The following HPSE2 variants were observed in gnomAD, a reference collection of about 807,000 sequenced individuals.
The protein encoded by HPSE2 is heparanase 2 (inactive), also known as inactive heparanase-2.
In HPSE2, 38 loss-of-function variants were observed where a neutral mutation model predicts 60.5. The observed-to-expected ratio is 0.63, with a 90% CI of 0.48 to 0.82. The LOEUF is 0.82. Ranked by LOEUF, HPSE2 falls within the 40% of genes least tolerant of loss-of-function variation. The pLI, the probability that HPSE2 is intolerant of heterozygous loss-of-function variation, is 0.00. For missense variants in HPSE2, 713 were observed against 740.4 expected (o/e 0.96, Z 0.43); for synonymous variants, 295 against 293.2 (o/e 1.01, Z -0.06).
intron 9 of HPSE2, among the ~76,000 whole-genome samples, chr10:98,603,715 A>C (rs1318658774): frequency 6.6e-6 from 1 of 152,132 alleles, no homozygotes; most frequent in African/African-American, 2.4e-5. Flanking sequence ...GGTGTGAGCC[A>C]CCGTGCCTGG....
At chr10:99,160,432 G>T (rs762068958) in intron 2 of HPSE2, among the ~76,000 whole-genome samples, 9 of 152,180 alleles carry the variant, frequency 5.9e-5, no homozygotes, top group Non-Finnish European at 1.3e-4. Flanking sequence ...ACCAAGTGCT[G>T]CCAAGAATGT....
At chr10:98,565,763 A>G (rs1011831952) in intron 9 of HPSE2, among the ~76,000 whole-genome samples, 5 of 152,142 alleles carry the variant, frequency 3.3e-5, no homozygotes, top group African/African-American at 1.2e-4. Context: ...CTTGTCCTTG[A>G]TGATGATACT....
At chr10:99,194,578 A>G (rs1272680474) in intron 2 of HPSE2, among the ~76,000 whole-genome samples, 1 of 151,850 alleles carries the variant, frequency 6.6e-6, no homozygotes, top group Non-Finnish European at 1.5e-5. Context: ...AGACATTACA[A>G]CTGATATTGC....
At chr10:98,952,226 C>T (rs766674931) in intron 3 of HPSE2, among the ~76,000 whole-genome samples, 2 of 151,956 alleles carry the variant, frequency 1.3e-5, no homozygotes, top group African/African-American at 2.4e-5. Flanking sequence ...CTGTTTTTCC[C>T]GTGGCTCTGC....
intron 6 of HPSE2, among the ~76,000 whole-genome samples, chr10:98,646,322 CTTTTTTTT>C (rs5787294): frequency 2.1e-5 from 3 of 145,016 alleles, no homozygotes; most frequent in South Asian, 2.2e-4. Context: ...TTTCTTTTTT[CTTTTTTTT>C]TTTTTAAAAA....
chr10:99,301,666 G>T, the HPSE2 span, among the ~76,000 whole-genome samples: 130,492 of 152,110 alleles, frequency 0.86, 56,358 homozygotes, highest in African/African-American at 0.93. Context: ...GTGGCTTACT[G>T]TTCTAAACAG....
At chr10:98,580,449 T>C (rs1944763940) in intron 9 of HPSE2, among the ~76,000 whole-genome samples, 1 of 152,170 alleles carries the variant, frequency 6.6e-6, no homozygotes, top group South Asian at 2.1e-4. Context: ...TATCTTTTTG[T>C]TTTTCTTTAT....
chr10:98,798,785 C>T (rs1026207236), intron 3 of HPSE2, among the ~76,000 whole-genome samples: 3 of 151,942 alleles, frequency 2.0e-5, no homozygotes, highest in Non-Finnish European at 2.9e-5. Flanking sequence ...AGAAAATCAC[C>T]TTCACTAAAA....
At chr10:98,947,658 T>G (rs1644183650) in intron 3 of HPSE2, among the ~76,000 whole-genome samples, 1 of 152,062 alleles carries the variant, frequency 6.6e-6, no homozygotes, top group Admixed American at 6.6e-5. Flanking sequence ...AGATTTAAGG[T>G]AGGAAGAGAC....
chr10:98,617,335 A>C (rs1945939483), intron 8 of HPSE2, among the ~76,000 whole-genome samples: 1 of 152,238 alleles, frequency 6.6e-6, no homozygotes, highest in East Asian at 1.9e-4. Context: ...CTGTGTATAC[A>C]TATTTAAAAG....
chr10:99,144,307 C>T lies in HPSE2; in HGVS notation c.541G>A (p.Ala181Thr). 2 of 1,614,090 alleles carry T rather than the reference C, an allele frequency of 1.2e-6. No homozygotes were observed. The highest frequency in any genetic ancestry group is 1.7e-6 in the Non-Finnish European group (2 of 1,180,012). ...AGAAGAACCAGATGCATCTGAGCTG[C>T]CTTCTCCCTTTGGAGCTCCAGCATA... ...DVMLELQREK[A>T]AQMHLVLLKE... The change falls in exon 3 of 12, where the codon GCA (alanine) becomes ACA (threonine). Residue 181 changes from alanine (A) to threonine (T), a missense_variant. Ala to Thr is a moderately conservative substitution (Grantham distance 58). Transcript: ENST00000370552.
chr10:98,723,490 G>C (rs905504000), intron 4 of HPSE2, among the ~76,000 whole-genome samples: 4 of 152,098 alleles, frequency 2.6e-5, no homozygotes, highest in Non-Finnish European at 5.9e-5. Flanking sequence ...AAATGAGTTA[G>C]GGAGGATTCC....
At chr10:98,793,608 C>A (rs910833322) in intron 3 of HPSE2, among the ~76,000 whole-genome samples, 18 of 152,156 alleles carry the variant, frequency 1.2e-4, no homozygotes, top group African/African-American at 4.3e-4. Flanking sequence ...AATACTTAAA[C>A]AACATACATT....
chr10:98,658,884 T>C (rs951629985), intron 6 of HPSE2, among the ~76,000 whole-genome samples: 18 of 151,976 alleles, frequency 1.2e-4, no homozygotes, highest in Non-Finnish European at 1.9e-4. Context: ...TGGTTTCTTT[T>C]GTATGTATCT....
At chr10:98,668,372 C>G (rs1414448667) in intron 6 of HPSE2, among the ~76,000 whole-genome samples, 1 of 152,120 alleles carries the variant, frequency 6.6e-6, no homozygotes, top group Non-Finnish European at 1.5e-5. Context: ...TTATCCCTAT[C>G]AAAACACCAA....
In HPSE2 at chr10:98,929,497, T is replaced by C. The variant is rs554580215; in HGVS notation, c.611-185441A>G. Among the ~76,000 whole-genome samples the C allele has an allele frequency of 1.4e-4, 20 of 144,166 alleles. 4 individuals are homozygous for C. The highest frequency in any genetic ancestry group is 3.9e-4 in the African/African-American group (14 of 35,594). 94.6% of individuals were successfully genotyped at this position (144,166 alleles called of 152,430 possible). ...TTTACATACTAAAGCTATCTTCATA[T>C]TGAACAACGAGAAGATAAGCCCAGT... On this transcript the variant is annotated intron_variant, in intron 3 of 11. Transcript: ENST00000370552.
At chr10:99,135,273 C>G (rs1285132617) in intron 3 of HPSE2, among the ~76,000 whole-genome samples, 2 of 151,998 alleles carry the variant, frequency 1.3e-5, no homozygotes, top group African/African-American at 4.8e-5. Flanking sequence ...ACTTTAACAC[C>G]CCACTGTCAA....
intron 3 of HPSE2, among the ~76,000 whole-genome samples, chr10:99,044,300 A>T (rs1468519291): frequency 1.3e-5 from 2 of 152,240 alleles, no homozygotes; most frequent in African/African-American, 2.4e-5. Flanking sequence ...TCAGACAAGC[A>T]AACACTGAGA....
chr10:98,474,257 A>G lies in HPSE2; in HGVS notation c.1613+8379T>C, dbSNP rs924115514. 3.9e-5 allele frequency among the ~76,000 whole-genome samples: 6 copies of G among 152,284 alleles called. No individual in the cohort carries two copies. In the East Asian group the frequency reaches 1.2e-3, roughly 29 times the overall value. On this transcript the variant is annotated intron_variant, in intron 11 of 11. Coordinates refer to ENST00000370552, the MANE Select transcript of HPSE2 (RefSeq NM_021828.5). Reference sequence around the variant, plus strand: ...ATTAATGGGGTTAAGGTTTTTCCCAAAGCTTCTTTTACCTGATCTCTCTGT... The same window carrying G: ...ATTAATGGGGTTAAGGTTTTTCCCAGAGCTTCTTTTACCTGATCTCTCTGT...
Sources: gnomAD v4.1 joint callset for allele counts (sites outside exome capture counted in the v4.1 genomes callset) on GRCh38, gnomAD v4.1.1 for gene constraint, MANE v1.5 for transcripts, NCBI Gene and HGNC (gene_info 2026-07-23, HGNC 2026-07-21) for gene names.